PIK3C2A: variants seen among roughly 807,000 people sequenced by gnomAD.
PIK3C2A encodes phosphatidylinositol-4-phosphate 3-kinase catalytic subunit type 2 alpha, also known as phosphatidylinositol 4-phosphate 3-kinase C2 domain-containing subunit alpha.
PIK3C2A carries 97 observed loss-of-function variants against 204.5 expected under a neutral mutation model. The observed-to-expected ratio is 0.47, with a 90% CI of 0.40 to 0.56. The LOEUF (loss-of-function observed/expected upper bound fraction) is 0.56, where lower values mean the gene tolerates loss of function less well. Among genes scored for constraint, PIK3C2A ranks in the 20% least tolerant of loss-of-function variants. The probability of loss-of-function intolerance (pLI) is 0.00; values close to 1 mark genes in which losing one functional copy is unlikely to be tolerated. For synonymous variants in PIK3C2A, 653 were observed against 664.4 expected (o/e 0.98, Z 0.26); for missense variants, 1,735 against 1,969.2 (o/e 0.88, Z 2.25).
At chr11:17,126,472 G>T (rs1386907849) in intron 13 of PIK3C2A, among the ~76,000 whole-genome samples, 1 of 152,142 alleles carries the variant, frequency 6.6e-6, no homozygotes, top group Non-Finnish European at 1.5e-5. Context: ...TTCAATAATA[G>T]TGACCATTAG....
chr11:17,112,649 A>T lies in PIK3C2A; in HGVS notation c.3339T>A (p.Ser1113Arg). 6.6e-7 allele frequency: 1 copy of T among 1,521,320 alleles called. No homozygotes were observed. The allele number at this position is 1,521,320 out of a possible 1,614,324, so 94.2% of individuals were successfully genotyped here. The stretch of plus-strand genomic sequence containing the variant: ...TGACTTTTAGGGGGACAGCATTAGA[A>T]CTGAAGAAGGAACACGACTGCAAAT... The part of the protein sequence containing the change: ...ELNIKSCSFF[S>R]SNAVPLKVTM... Residue 1113 changes from serine to arginine, a missense_variant, in exon 21 of 33, where the codon AGT becomes AGA. Ser to Arg is a moderately radical substitution (Grantham distance 110). Around this residue, in one of 6 missense-constraint regions of PIK3C2A, gnomAD observed 567 missense variants for 576.0 expected, o/e 0.98. Transcript: ENST00000691414.
intron 12 of PIK3C2A, among the ~76,000 whole-genome samples, chr11:17,131,044 C>G (rs1222400537): frequency 6.6e-6 from 1 of 151,968 alleles, no homozygotes; most frequent in Admixed American, 6.6e-5. Flanking sequence ...AAAAATTAGC[C>G]AGGCGTGGTG....
chr11:17,112,697 G>A (rs200530356), intron 20 of PIK3C2A, 31 bp from the exon 21 acceptor site: 1 of 1,166,648 alleles, frequency 8.6e-7, no homozygotes, highest in Admixed American at 2.5e-5. Flanking sequence ...GCATTAGAAA[G>A]ATAAATGAAA....
At chr11:17,097,939 AAAAC>A in intron 26 of PIK3C2A, among the ~76,000 whole-genome samples, 1 of 152,270 alleles carries the variant, frequency 6.6e-6, no homozygotes, top group South Asian at 2.1e-4. Flanking sequence ...CAAAAGAACA[AAAAC>A]AAAGTAATCC....
At chr11:17,092,798 C>T (rs1383398071) in intron 28 of PIK3C2A, among the ~76,000 whole-genome samples, 1 of 152,130 alleles carries the variant, frequency 6.6e-6, no homozygotes, top group Non-Finnish European at 1.5e-5. Flanking sequence ...TTATTATTAG[C>T]TTGGTGCAAA....
chr11:17,122,569 A>C (rs539728589), intron 14 of PIK3C2A, 133 bp downstream of exon 14: 92 of 637,106 alleles, frequency 1.4e-4, no homozygotes, highest in African/African-American at 1.3e-3. Context: ...TTGATATTAA[A>C]ATAGAAGATA....
chr11:17,205,547 C>T (rs1219127410), intron 1 of PIK3C2A, among the ~76,000 whole-genome samples: 1 of 150,074 alleles, frequency 6.7e-6, no homozygotes, highest in Non-Finnish European at 1.5e-5. Context: ...AAATGCTTTG[C>T]ACTACTGCTG....
intron 2 of PIK3C2A, among the ~76,000 whole-genome samples, chr11:17,161,324 C>T (rs1360175847): frequency 6.6e-6 from 1 of 152,164 alleles, no homozygotes; most frequent in Non-Finnish European, 1.5e-5. Context: ...CAAATATACT[C>T]AGTCAGACTA....
chr11:17,157,422 T>C (rs1358768342), intron 2 of PIK3C2A, among the ~76,000 whole-genome samples: 2 of 137,406 alleles, frequency 1.5e-5, no homozygotes, highest in Non-Finnish European at 3.0e-5. Context: ...ATCGTGCCAC[T>C]GCACTCCAGC....
chr11:17,153,596 G>C (rs1850488715), intron 3 of PIK3C2A, among the ~76,000 whole-genome samples: 1 of 152,152 alleles, frequency 6.6e-6, no homozygotes, highest in Admixed American at 6.5e-5. Context: ...AACTGAAAGA[G>C]ATCTTTGAAA....
intron 1 of PIK3C2A, among the ~76,000 whole-genome samples, chr11:17,193,175 C>A (rs1852000138): frequency 6.6e-6 from 1 of 152,196 alleles, no homozygotes; most frequent in Admixed American, 6.5e-5. Context: ...GACTTCCCAG[C>A]CTCCAGAACT....
In PIK3C2A at chr11:17,102,671, C is replaced by G. The variant is rs1590906962; in HGVS notation, c.3842G>C (p.Ser1281Thr). Residue 1281 changes from serine (S) to threonine (T), a missense_variant, in exon 24 of 33, where the codon AGC becomes ACC. Physicochemically the swap from Ser to Thr is moderately conservative, Grantham distance 58. Transcript: ENST00000691414. ...KFLGHAQMFGSFKRDRAPFVL... is the reference protein window; with the variant it reads ...KFLGHAQMFGTFKRDRAPFVL... ...AGCAATAACATTATACCTTTTGAAG[C>G]TGCCAAACATCTGTGCATGTCCCAA... The G allele has an allele frequency of 1.2e-6, 2 of 1,607,392 alleles. No homozygotes were observed. Among genetic ancestry groups the G allele is most frequent in the Non-Finnish European group, 1.7e-6 (2 of 1,177,716 alleles).
rs1298924569 is a variant in PIK3C2A at position 17,087,143 on chromosome 11, G to A, written c.*2595C>T. 1 of 152,112 alleles carries A rather than the reference G, an allele frequency of 6.6e-6. No individual in the cohort carries two copies. The highest frequency in any genetic ancestry group is 1.5e-5 in the Non-Finnish European group (1 of 68,004). The allele number at this position is 152,112 out of a possible 1,614,324, so 9.4% of individuals were successfully genotyped here. A position where few individuals can be genotyped will look rare whatever the true frequency, so the allele number is the denominator to read the frequency against. On this transcript the variant is annotated 3_prime_UTR_variant, in exon 33 of 33. Transcript: ENST00000691414. ...TTCTTCTGATGCAGGACAACATGTA[G>A]CATAATTATTTTTAGTCAATAAAGG...
intron 1 of PIK3C2A, among the ~76,000 whole-genome samples, chr11:17,181,976 C>T (rs1364593499): frequency 2.0e-5 from 3 of 151,538 alleles, no homozygotes; most frequent in Admixed American, 1.3e-4. Context: ...GCTTGTAATC[C>T]CAGCTACTTG....
In PIK3C2A at chr11:17,101,278, C is replaced by T; in HGVS notation, c.4008G>A (p.Leu1336=). The T allele has an allele frequency of 1.3e-6, 2 of 1,503,508 alleles. No individual in the cohort carries two copies. Among genetic ancestry groups the T allele is most frequent in the East Asian group, 2.3e-5 (1 of 43,604 alleles). 93.1% of individuals were successfully genotyped at this position (1,503,508 alleles called of 1,614,324 possible). A position where few individuals can be genotyped will look rare whatever the true frequency, so the allele number is the denominator to read the frequency against. ...QTNLFLNLLS[L]MIPSGLPELT... is the part of the protein sequence containing the mutation. ...TTAAGTGCTTATAAAGAATAGTTAC[C>T]AGTGAAAGGAGGTTAAGAAAAAGGT... Residue 1336 remains leucine, a splice_region_variant and synonymous_variant, in exon 25 of 33, where the codon CTG becomes CTA. Coordinates refer to ENST00000691414, the MANE Select transcript of PIK3C2A (RefSeq NM_002645.4).
At chr11:17,148,577 T>C (rs1246730855) in intron 5 of PIK3C2A, 90 bp downstream of exon 5, 2 of 1,076,520 alleles carry the variant, frequency 1.9e-6, no homozygotes, top group Non-Finnish European at 2.7e-6. Flanking sequence ...AATGTATTTC[T>C]GCATTATAAA....
intron 12 of PIK3C2A, among the ~76,000 whole-genome samples, chr11:17,130,352 T>C (rs1455306416): frequency 2.0e-5 from 3 of 152,238 alleles, no homozygotes; most frequent in Non-Finnish European, 4.4e-5. Context: ...TCTACTTATA[T>C]GCATTTTTGT....
chr11:17,093,934 T>A (rs115731141), intron 28 of PIK3C2A, among the ~76,000 whole-genome samples: 3,164 of 152,236 alleles, frequency 0.021, 124 homozygotes, highest in African/African-American at 0.071. Context: ...CCACCACACC[T>A]GGCAGGATAT....
intron 1 of PIK3C2A, among the ~76,000 whole-genome samples, chr11:17,173,644 CT>C (rs2137501773): frequency 6.6e-6 from 1 of 152,280 alleles, no homozygotes; most frequent in African/African-American, 2.4e-5. Context: ...AAAAAATGTC[CT>C]GATTAACACA....
Sources: gnomAD v4.1 joint callset for allele counts (sites outside exome capture counted in the v4.1 genomes callset) on GRCh38, gnomAD v4.1.1 for gene constraint, gnomAD v4.1.1 regional missense constraint, MANE v1.5 for transcripts, NCBI Gene and HGNC (gene_info 2026-07-23, HGNC 2026-07-21) for gene names.